The following MAPK10 variants were observed in gnomAD, a reference collection of about 807,000 sequenced individuals.
MAPK10 encodes JNK3 alpha protein kinase.
Under a neutral mutation model 59.3 loss-of-function variants are expected in MAPK10, and 25 were observed. The observed-to-expected ratio is 0.42, with a 90% CI of 0.31 to 0.59. The LOEUF is 0.59. Ranked by LOEUF, MAPK10 falls within the 20% of genes least tolerant of loss-of-function variation. The pLI, the probability that MAPK10 is intolerant of heterozygous loss-of-function variation, is 0.15. For synonymous variants in MAPK10, 190 were observed against 200.5 expected (o/e 0.95, Z 0.44); for missense variants, 351 against 568.9 (o/e 0.62, Z 3.90).
At chr4:86,555,775 G>T (rs1373900287) in intron 1 of MAPK10, among the ~76,000 whole-genome samples, 1 of 152,162 alleles carries the variant, frequency 6.6e-6, no homozygotes, top group Non-Finnish European at 1.5e-5. Context: ...AGTGTAAGAA[G>T]TTGGGTAAAG....
intron 4 of MAPK10, among the ~76,000 whole-genome samples, chr4:86,141,388 G>T (rs1360542495): frequency 6.6e-6 from 1 of 152,184 alleles, no homozygotes; most frequent in Non-Finnish European, 1.5e-5. Flanking sequence ...TGAGGAAATT[G>T]TGTCATGAAG....
At chr4:86,168,352 C>G (rs965971979) in intron 3 of MAPK10, among the ~76,000 whole-genome samples, 1 of 152,194 alleles carries the variant, frequency 6.6e-6, no homozygotes, top group African/African-American at 2.4e-5. Context: ...CGGGTCACTC[C>G]CACCCTAATA....
At chr4:86,147,173 G>A (rs553308768) in intron 4 of MAPK10, among the ~76,000 whole-genome samples, 5 of 151,484 alleles carry the variant, frequency 3.3e-5, no homozygotes, top group East Asian at 1.9e-4. Context: ...TGCAACCTCC[G>A]CCTCCTGGGT....
chr4:86,289,635 T>C (rs1384176907), intron 2 of MAPK10, among the ~76,000 whole-genome samples: 1 of 149,798 alleles, frequency 6.7e-6, no homozygotes, highest in Non-Finnish European at 1.5e-5. Context: ...TCCAAAAATA[T>C]ATTAATATTA....
intron 2 of MAPK10, among the ~76,000 whole-genome samples, chr4:86,319,159 T>C (rs1419816553): frequency 6.6e-6 from 1 of 151,978 alleles, no homozygotes; most frequent in Non-Finnish European, 1.5e-5. Flanking sequence ...GAAAATCTAT[T>C]GATAAAGGAA....
At chr4:86,422,688 C>G (rs981626515) in intron 1 of MAPK10, among the ~76,000 whole-genome samples, 1 of 152,124 alleles carries the variant, frequency 6.6e-6, no homozygotes, top group Non-Finnish European at 1.5e-5. Context: ...ATTTAACACA[C>G]TCTCCAAAGT....
chr4:86,066,657 C>T lies in MAPK10; in HGVS notation c.985+1116G>A, dbSNP rs547165275. Among the ~76,000 whole-genome samples, 72 of 148,290 alleles carry T rather than the reference C, an allele frequency of 4.9e-4. 1 individual carries two copies. Among genetic ancestry groups the T allele is most frequent in the African/African-American group, 1.6e-3 (65 of 40,158 alleles). On this transcript the variant is annotated intron_variant, in intron 10 of 13. Coordinates refer to ENST00000641462, the MANE Select transcript of MAPK10 (RefSeq NM_138982.4). ...GCGGGCGCCTGTAGTCCCAGCTACTCGGGAGGTTGAGGCAGGAGAATGGAG... is the reference window on the plus strand; with the variant it reads ...GCGGGCGCCTGTAGTCCCAGCTACTTGGGAGGTTGAGGCAGGAGAATGGAG...
At chr4:86,300,893 A>T (rs1016553044) in intron 2 of MAPK10, 1 of 72,970 alleles carries the variant, frequency 1.4e-5, no homozygotes, top group African/African-American at 4.2e-5. Context: ...TTAAAGTATT[A>T]AAAAAAAAAA....
At chr4:86,248,882 T>C (rs1345026638) in intron 2 of MAPK10, among the ~76,000 whole-genome samples, 1 of 152,178 alleles carries the variant, frequency 6.6e-6, no homozygotes, top group Admixed American at 6.6e-5. Context: ...AGTATTATAA[T>C]GGTGAGAATA....
At chr4:86,504,084 C>T (rs1180687237) in intron 1 of MAPK10, among the ~76,000 whole-genome samples, 1 of 152,116 alleles carries the variant, frequency 6.6e-6, no homozygotes, top group Non-Finnish European at 1.5e-5. Flanking sequence ...CAGATAATCC[C>T]TATTATCTGT....
rs116748072 is a variant in MAPK10, at chr4:86,197,930, C to T, written c.-6-3523G>A. Among the ~76,000 whole-genome samples the T allele has an allele frequency of 1.0e-2, 1,517 of 152,082 alleles. 15 individuals carry two copies. The highest frequency in any genetic ancestry group is 0.016 in the Non-Finnish European group (1,077 of 67,964). On this transcript the variant is annotated intron_variant, in intron 2 of 13. Transcript: ENST00000641462. Reference sequence around the variant, plus strand: ...GACTATGAATTAATAGAATACAGAGCCCAGAACAGACACAGACATACATGG... The same window carrying T: ...GACTATGAATTAATAGAATACAGAGTCCAGAACAGACACAGACATACATGG...
intron 1 of MAPK10, among the ~76,000 whole-genome samples, chr4:86,451,574 G>A (rs1463935278): frequency 6.6e-6 from 1 of 152,232 alleles, no homozygotes; most frequent in East Asian, 1.9e-4. Context: ...AGTGTTTCCA[G>A]GAGGAGTGGG....
chr4:86,382,303 C>T (rs1200796804), intron 1 of MAPK10, among the ~76,000 whole-genome samples: 1 of 152,118 alleles, frequency 6.6e-6, no homozygotes, highest in African/African-American at 2.4e-5. Context: ...TGACCTGGCA[C>T]TGACCCCCCA....
Position 86,416,662 on chromosome 4 carries a change from G to A in MAPK10, c.-122+36368C>T, listed in dbSNP as rs1189212374. The stretch of plus-strand genomic sequence containing the variant: ...CTGGTACATGAAGCTACCTCAGTGT[G>A]CACCTTCCTCATTTGAATTGCATCC... On this transcript the variant is annotated intron_variant, in intron 1 of 13. Transcript: ENST00000361569. Among the ~76,000 whole-genome samples the A allele has an allele frequency of 2.6e-5, 4 of 152,286 alleles. No individual in the cohort carries two copies. In the East Asian group the frequency reaches 7.7e-4, roughly 29 times the overall value.
intron 2 of MAPK10, among the ~76,000 whole-genome samples, chr4:86,351,279 C>T (rs889243050): frequency 4.6e-5 from 7 of 151,684 alleles, no homozygotes; most frequent in African/African-American, 1.7e-4. Context: ...TACACACACA[C>T]ACACGCAATA....
At chr4:86,314,806 GA>G (rs760033288) in intron 2 of MAPK10, among the ~76,000 whole-genome samples, 20 of 151,922 alleles carry the variant, frequency 1.3e-4, no homozygotes, top group East Asian at 9.7e-4. Context: ...AGTGATAAGG[GA>G]ATATATTGAT....
chr4:86,387,730 A>C (rs1741677402), intron 1 of MAPK10, among the ~76,000 whole-genome samples: 2 of 152,286 alleles, frequency 1.3e-5, no homozygotes, highest in Middle Eastern at 6.8e-3. Context: ...AGGACCTGTC[A>C]ATATGGAAAG....
intron 1 of MAPK10, among the ~76,000 whole-genome samples, 175 bp from the exon 2 acceptor site, chr4:86,354,819 C>T (rs1050307764): frequency 6.6e-6 from 1 of 152,104 alleles, no homozygotes; most frequent in Non-Finnish European, 1.5e-5. Context: ...AGCACAAGAA[C>T]TTTGATGTTA....
At chr4:86,277,490 A>G (rs1222729210) in intron 2 of MAPK10, among the ~76,000 whole-genome samples, 2 of 152,284 alleles carry the variant, frequency 1.3e-5, no homozygotes, top group Middle Eastern at 3.4e-3. Flanking sequence ...ATAATCTAAT[A>G]AAATAATTTA....
Sources: gnomAD v4.1 joint callset for allele counts (sites outside exome capture counted in the v4.1 genomes callset) on GRCh38, gnomAD v4.1.1 for gene constraint, MANE v1.5 for transcripts, NCBI Gene and HGNC (gene_info 2026-07-23, HGNC 2026-07-21) for gene names.